Variants in FIBCD1 observed in about 807,000 individuals in gnomAD.
The protein encoded by FIBCD1 is fibrinogen C domain-containing protein 1.
Under a neutral mutation model 45.1 loss-of-function variants are expected in FIBCD1, and 47 were observed. That is an observed-to-expected ratio of 1.04 (90% CI 0.82 to 1.33). The LOEUF (loss-of-function observed/expected upper bound fraction) is 1.33, where lower values mean the gene tolerates loss of function less well. Ranked by LOEUF, FIBCD1 falls within the 40% of genes most tolerant of loss-of-function variation. The probability of loss-of-function intolerance (pLI) is 0.00; values close to 1 mark genes in which losing one functional copy is unlikely to be tolerated. For missense variants in FIBCD1, 653 were observed against 682.2 expected, an observed-to-expected ratio of 0.96 and a Z score of 0.48; for synonymous variants, 313 against 308.1, an observed-to-expected ratio of 1.02 and a Z score of -0.17.
intron 4 of FIBCD1, among the ~76,000 whole-genome samples, chr9:130,913,424 C>T (rs112928362): frequency 3.9e-5 from 6 of 152,246 alleles, no homozygotes; most frequent in South Asian, 2.1e-4. Flanking sequence ...CCCGGATGCC[C>T]GGTCTGACCC....
Position 130,924,408 on chromosome 9 carries a change from AG to A in FIBCD1, c.553-13del. 2 of 1,596,908 alleles carry A rather than the reference AG, an allele frequency of 1.3e-6. No homozygotes were observed. The highest frequency in any genetic ancestry group is 2.3e-5 in the East Asian group (1 of 44,248). On this transcript the variant is annotated splice_polypyrimidine_tract_variant and intron_variant, in intron 2 of 6. Coordinates refer to ENST00000372338, the MANE Select transcript of FIBCD1 (RefSeq NM_032843.5). ...CTCTCAGAGAGAAGCTGCGGAGCACAGGGGGTGAGCCGAGGGGGCAGGGGCT... is the reference window on the plus strand; with the variant it reads ...CTCTCAGAGAGAAGCTGCGGAGCACAGGGGTGAGCCGAGGGGGCAGGGGCT...
intron 1 of FIBCD1, 119 bp downstream of exon 1, chr9:130,938,417 G>T: frequency 1.2e-6 from 1 of 838,120 alleles, no homozygotes; most frequent in Non-Finnish European, 1.7e-6. Flanking sequence ...CCGGGCCTCC[G>T]GAGCCTCGAA....
chr9:130,924,908 C>T (rs537059610), intron 2 of FIBCD1, among the ~76,000 whole-genome samples: 5 of 152,302 alleles, frequency 3.3e-5, no homozygotes, highest in South Asian at 2.1e-4. Flanking sequence ...CCCAGCACAG[C>T]GGCAAGGACC....
At chr9:130,933,572 G>A (rs1489945787) in intron 1 of FIBCD1, among the ~76,000 whole-genome samples, 2 of 152,196 alleles carry the variant, frequency 1.3e-5, no homozygotes, top group East Asian at 3.9e-4. Flanking sequence ...CAGGGTTCAC[G>A]GCTGCCTACG....
chr9:130,919,950 G>GACA, intron 4 of FIBCD1, among the ~76,000 whole-genome samples: 1 of 152,342 alleles, frequency 6.6e-6, no homozygotes, highest in East Asian at 1.9e-4. Flanking sequence ...TTGCAGTGGG[G>GACA]ACAAGACTGT....
chr9:130,923,615 G>A, intron 4 of FIBCD1, 129 bp downstream of exon 4: 15 of 1,394,406 alleles, frequency 1.1e-5, no homozygotes, highest in Non-Finnish European at 1.5e-5. Flanking sequence ...AAGGGCACCA[G>A]GGCAGGGCCA....
At chr9:130,923,907 G>T in intron 3 of FIBCD1, 27 bp from the exon 4 acceptor site, 1 of 1,611,414 alleles carries the variant, frequency 6.2e-7, no homozygotes, top group Non-Finnish European at 8.5e-7. Flanking sequence ...TGTCAGGGTG[G>T]CTGCGGCCCC....
Position 130,929,742 on chromosome 9 carries a change from G to A in FIBCD1, c.377C>T (p.Pro126Leu), listed in dbSNP as rs2133117575. Residue 126 changes from proline to leucine, a missense_variant, in exon 2 of 7, where the codon CCA (proline) becomes CTA (leucine). Coordinates refer to ENST00000372338, the MANE Select transcript of FIBCD1 (RefSeq NM_032843.5). Reference sequence around the variant, plus strand: ...CTGCTCCTGGTCGCCCACCAGCCGTGGCTGGGCCTGGTGCTCTGTCAGCGC... The same window carrying A: ...CTGCTCCTGGTCGCCCACCAGCCGTAGCTGGGCCTGGTGCTCTGTCAGCGC... ...LQALTEHQAQ[P>L]RLVGDQEQEL... 1.3e-6 allele frequency: 2 copies of A among 1,570,778 alleles called. No individual in the cohort carries two copies. The highest frequency in any genetic ancestry group is 1.7e-6 in the Non-Finnish European group (2 of 1,158,524).
In FIBCD1 at chr9:130,914,837, G is replaced by A. The variant is rs1300353108; in HGVS notation, c.850-2949C>T. 3.9e-5 allele frequency among the ~76,000 whole-genome samples: 6 copies of A among 152,322 alleles called. No individual in the cohort carries two copies. The Middle Eastern group carries it at 0.014, about 345-fold the overall frequency. On this transcript the variant is annotated intron_variant, in intron 4 of 6. Transcript: ENST00000372338. ...CAGGAGGGGCTGTTCCTGCCCCTGC[G>A]TCCCAGCTGATGGGATGATGGGCAG... is the stretch of plus-strand genomic sequence containing the variant.
intron 1 of FIBCD1, among the ~76,000 whole-genome samples, chr9:130,934,350 G>C (rs921265288): frequency 6.6e-6 from 1 of 152,214 alleles, no homozygotes; most frequent in Non-Finnish European, 1.5e-5. Flanking sequence ...AAGGGGGTCT[G>C]CAGGCTTGTT....
At chr9:130,907,920 GA>G (rs1418722447) in intron 5 of FIBCD1, among the ~76,000 whole-genome samples, 1 of 128,436 alleles carries the variant, frequency 7.8e-6, no homozygotes, top group Non-Finnish European at 1.7e-5. Flanking sequence ...AAAAAAGAAA[GA>G]AAAGAAAAAC....
intron 4 of FIBCD1, among the ~76,000 whole-genome samples, chr9:130,919,224 C>T (rs146541817): frequency 2.6e-5 from 4 of 152,210 alleles, no homozygotes; most frequent in African/African-American, 9.6e-5. Flanking sequence ...TTTCTTTGCA[C>T]GATGAACGAA....
At chr9:130,909,945 G>A (rs2133073009) in intron 5 of FIBCD1, among the ~76,000 whole-genome samples, 1 of 152,364 alleles carries the variant, frequency 6.6e-6, no homozygotes, top group South Asian at 2.1e-4. Context: ...CTGGTGAGAG[G>A]TGACAGCGTG....
intron 6 of FIBCD1, 102 bp from the exon 7 acceptor site, chr9:130,904,425 G>A (rs1831890318): frequency 4.7e-6 from 7 of 1,478,794 alleles, no homozygotes; most frequent in East Asian, 2.3e-5. Flanking sequence ...GCACCTGGAC[G>A]TGAGTGCATA....
Position 130,922,447 on chromosome 9 carries a change from CGG to C in FIBCD1, c.849+1295_849+1296del, listed in dbSNP as rs1832277645. Among the ~76,000 whole-genome samples the C allele has an allele frequency of 6.6e-6, 1 of 152,106 alleles. No homozygotes were observed. The highest frequency in any genetic ancestry group is 6.6e-5 in the Admixed American group (1 of 15,262). On this transcript the variant is annotated intron_variant, in intron 4 of 6. Transcript: ENST00000372338. This position sits in a 1 kb window ranked among gnomAD's most constrained non-coding sequence, Gnocchi z 4.5. ...CATCCCCGTTTCACAGCTGAGGAAACGGGGGCTCAGAGAACCGAGGTAAGTTG... is the reference window on the plus strand; with the variant it reads ...CATCCCCGTTTCACAGCTGAGGAAACGGGCTCAGAGAACCGAGGTAAGTTG...
At chr9:130,924,482 G>C in intron 2 of FIBCD1, 86 bp from the exon 3 acceptor site, 4 of 1,309,096 alleles carry the variant, frequency 3.1e-6, no homozygotes, top group Non-Finnish European at 4.2e-6. Context: ...GCCAGAGTGG[G>C]CCCTCTCCTG....
intron 4 of FIBCD1, among the ~76,000 whole-genome samples, chr9:130,921,297 G>A (rs1832256561): frequency 6.6e-6 from 1 of 152,248 alleles, no homozygotes; most frequent in South Asian, 2.1e-4. Context: ...GGTATCCAGG[G>A]CTGGAGAGGT....
chr9:130,925,524 T>C (rs532645574), intron 2 of FIBCD1, among the ~76,000 whole-genome samples: 36 of 152,258 alleles, frequency 2.4e-4, no homozygotes, highest in African/African-American at 7.9e-4. Flanking sequence ...TCCATTTCCT[T>C]GTAACCCAGG....
At chr9:130,919,767 C>T (rs1017249044) in intron 4 of FIBCD1, among the ~76,000 whole-genome samples, 17 of 152,158 alleles carry the variant, frequency 1.1e-4, no homozygotes, top group Admixed American at 1.0e-3. Flanking sequence ...TGTTGGGGGA[C>T]GTTGGCTGTG....
Sources: gnomAD v4.1 joint callset for allele counts (sites outside exome capture counted in the v4.1 genomes callset) on GRCh38, gnomAD v4.1.1 for gene constraint, Gnocchi (gnomAD v3.1) non-coding constraint, MANE v1.5 for transcripts, NCBI Gene and HGNC (gene_info 2026-07-23, HGNC 2026-07-21) for gene names.